Variants in GDF3 observed in about 807,000 individuals in gnomAD.
GDF3 encodes growth differentiation factor 3.
GDF3 carries 10 observed loss-of-function variants against 10.2 expected under a neutral mutation model. That is an observed-to-expected ratio of 0.98 (90% CI 0.60 to 1.66). The LOEUF (loss-of-function observed/expected upper bound fraction) is 1.66, where lower values mean the gene tolerates loss of function less well. Ranked by LOEUF, GDF3 falls within the 40% of genes most tolerant of loss-of-function variation. GDF3 has a pLI of 0.00. For missense variants in GDF3, 450 were observed against 438.3 expected (o/e 1.03, Z -0.24); for synonymous variants, 166 against 178.5 (o/e 0.93, Z 0.56).
Position 7,690,261 on chromosome 12 carries a change from G to A in GDF3, c.712C>T (p.Leu238Phe). 2 of 1,614,170 alleles carry A rather than the reference G, an allele frequency of 1.2e-6. No homozygotes were observed. The highest frequency in any genetic ancestry group is 1.7e-6 in the Non-Finnish European group (2 of 1,180,046). ...SLHASLLVVTLNPDQCHPSRK... is the reference protein window; with the variant it reads ...SLHASLLVVTFNPDQCHPSRK... ...GAAGGGTGGCACTGATCAGGGTTGA[G>A]AGTCACCACCAGCAGGGAAGCATGA... The change falls in exon 2 of 2, where the codon CTC (leucine) becomes TTC (phenylalanine). Residue 238 changes from leucine (L) to phenylalanine (F), a missense_variant. Transcript: ENST00000329913.
Position 7,693,885 on chromosome 12 carries a change from G to A in GDF3, c.268+1576C>T, listed in dbSNP as rs11055253. Among the ~76,000 whole-genome samples the A allele has an allele frequency of 2.6e-5, 4 of 152,158 alleles. No homozygotes were observed. The East Asian group carries it at 7.8e-4, about 30-fold the overall frequency. The stretch of plus-strand genomic sequence containing the variant: ...GGAAGATCGCTTGAGCCCAGGAGGT[G>A]GAGGCTGCAGTGAGCCGAGATTGTG... On this transcript the variant is annotated intron_variant, in intron 1 of 1. Transcript: ENST00000329913.
rs752043502 is a variant in GDF3, at chr12:7,695,646, A to G, written c.83T>C (p.Val28Ala). Residue 28 changes from valine to alanine, a missense_variant, in exon 1 of 2, where the codon GTC becomes GCC. Transcript: ENST00000329913. ...ATCTAAGCCCAGAAATTGGAGAAAGACATATTCTTGAAATTGGACTGCCTG... is the reference window on the plus strand; with the variant it reads ...ATCTAAGCCCAGAAATTGGAGAAAGGCATATTCTTGAAATTGGACTGCCTG... ...LGQAVQFQEY[V>A]FLQFLGLDKA... is the part of the protein sequence containing the mutation. 8.7e-6 allele frequency: 14 copies of G among 1,614,002 alleles called. No individual in the cohort carries two copies. The highest frequency in any genetic ancestry group is 5.3e-5 in the African/African-American group (4 of 74,914).
chr12:7,692,989 C>A (rs766281667), intron 1 of GDF3, among the ~76,000 whole-genome samples: 43 of 151,960 alleles, frequency 2.8e-4, no homozygotes, highest in Non-Finnish European at 5.0e-4. Context: ...CATGGATGCC[C>A]CTCTTCTGAA....
rs1227842019 is a variant in GDF3, at chr12:7,689,835, G to T, written c.*43C>A. The stretch of plus-strand genomic sequence containing the variant: ...AACCAGATAGGTAGTTTTATTAAAA[G>T]ATTTACCCTAAGAACACTCCTTCTA... On this transcript the variant is annotated 3_prime_UTR_variant, in exon 2 of 2. Transcript: ENST00000329913. The T allele has an allele frequency of 1.6e-6, 2 of 1,281,468 alleles. No homozygotes were observed. Among genetic ancestry groups the T allele is most frequent in the East Asian group, 2.3e-5 (1 of 43,420 alleles). The allele number at this position is 1,281,468 out of a possible 1,614,324, so 79.4% of individuals were successfully genotyped here.
In GDF3 at chr12:7,690,513, G is replaced by C; in HGVS notation, c.460C>G (p.His154Asp). ...ELALFLVQEPHVWGQTTPKPG... is the reference protein window; with the variant it reads ...ELALFLVQEPDVWGQTTPKPG... ...TTAGGGGTGGTCTGGCCCCACACAT[G>C]AGGCTCCTGAACCAGGAACAGAGCC... Residue 154 changes from histidine to aspartate, a missense_variant, in exon 2 of 2, where the codon CAT (histidine) becomes GAT (aspartate). Transcript: ENST00000329913. 6.2e-7 allele frequency: 1 copy of C among 1,612,936 alleles called. No individual in the cohort carries two copies. The highest frequency in any genetic ancestry group is 1.1e-5 in the South Asian group (1 of 91,060).
chr12:7,695,062 C>G (rs1239925448), intron 1 of GDF3, among the ~76,000 whole-genome samples: 1 of 152,164 alleles, frequency 6.6e-6, no homozygotes, highest in Non-Finnish European at 1.5e-5. Flanking sequence ...TTTTCATACC[C>G]TGCTTGCCAC....
intron 1 of GDF3, among the ~76,000 whole-genome samples, chr12:7,691,795 G>C (rs765006334): frequency 0.018 from 1,495 of 83,882 alleles, 15 homozygotes; most frequent in South Asian, 0.089. Context: ...ATCACGAGAT[G>C]AGGAGATCGA....
chr12:7,694,258 C>T (rs940443568), intron 1 of GDF3, among the ~76,000 whole-genome samples: 18 of 151,862 alleles, frequency 1.2e-4, no homozygotes, highest in East Asian at 3.9e-4. Flanking sequence ...CGACTCAATA[C>T]GCATTTTTAA....
chr12:7,694,630 T>C (rs1375981931), intron 1 of GDF3, among the ~76,000 whole-genome samples: 1 of 151,410 alleles, frequency 6.6e-6, no homozygotes, highest in Admixed American at 6.6e-5. Flanking sequence ...CATACACAGT[T>C]CCTGGCTCAC....
intron 1 of GDF3, 85 bp downstream of exon 1, chr12:7,695,376 A>T: frequency 8.3e-7 from 1 of 1,197,812 alleles, no homozygotes; most frequent in Non-Finnish European, 1.2e-6. Context: ...CAAGGCCATC[A>T]GTAATTGTCA....
chr12:7,693,991 G>C (rs1439926032), intron 1 of GDF3, among the ~76,000 whole-genome samples: 1 of 152,070 alleles, frequency 6.6e-6, no homozygotes, highest in East Asian at 1.9e-4. Flanking sequence ...AGAGGAAGAA[G>C]AAGAAAAGCC....
chr12:7,695,288 G>T (rs993005112), intron 1 of GDF3, among the ~76,000 whole-genome samples, 173 bp downstream of exon 1: 8 of 152,244 alleles, frequency 5.3e-5, no homozygotes, highest in African/African-American at 1.4e-4. Flanking sequence ...TTACTGTTAG[G>T]AACTTGATAA....
rs1212151941 is a variant in GDF3, at chr12:7,690,676, G to A, written c.297C>T (p.Ser99=). The change falls in exon 2 of 2, where the codon TCC becomes TCT. Residue 99 remains serine (S), a synonymous_variant. Coordinates refer to ENST00000329913, the MANE Select transcript of GDF3 (RefSeq NM_020634.3). Reference sequence around the variant, plus strand: ...GCTTCTGCAGGCAGGAGGAAGCTTGGGAAATTTTCTTTGGGTAAAGAAAGA... The same window carrying A: ...GCTTCTGCAGGCAGGAGGAAGCTTGAGAAATTTTCTTTGGGTAAAGAAAGA... ...QGFFLYPKKI[S]QASSCLQKLL... 4.3e-6 allele frequency: 7 copies of A among 1,612,470 alleles called. No homozygotes were observed. In the African/African-American group the frequency reaches 6.7e-5, roughly 15 times the overall value.
rs1864106028 is a variant in GDF3, at chr12:7,689,804, G to T, written c.*74C>A. 1 of 996,158 alleles carries T rather than the reference G, an allele frequency of 1.0e-6. No homozygotes were observed. Among genetic ancestry groups the T allele is most frequent in the East Asian group, 2.4e-5 (1 of 42,126 alleles). The allele number at this position is 996,158 out of a possible 1,614,324, so 61.7% of individuals were successfully genotyped here. A position where few individuals can be genotyped will look rare whatever the true frequency, so the allele number is the denominator to read the frequency against. On this transcript the variant is annotated 3_prime_UTR_variant, in exon 2 of 2. Transcript: ENST00000329913. Reference sequence around the variant, plus strand: ...GTATATTGACATTTCGATCTAAGTGGTCATAAACCAGATAGGTAGTTTTAT... The same window carrying T: ...GTATATTGACATTTCGATCTAAGTGTTCATAAACCAGATAGGTAGTTTTAT...
rs747276140 is a variant in GDF3 at position 7,695,518 on chromosome 12, A to G, written c.211T>C (p.Cys71Arg). 26 of 1,614,054 alleles carry G rather than the reference A, an allele frequency of 1.6e-5. No homozygotes were observed. Among genetic ancestry groups the G allele is most frequent in the Non-Finnish European group, 1.9e-5 (23 of 1,180,036 alleles). ...AATTGVSRDL[C>R]YVKELGVRGN... The stretch of plus-strand genomic sequence containing the variant: ...CGGACGCCCAGCTCCTTTACGTAGC[A>G]TAAGTCTCGGGAGACCCCAGTGGTC... Residue 71 changes from cysteine (C) to arginine (R), a missense_variant, in exon 1 of 2, where the codon TGC (cysteine) becomes CGC (arginine). By Grantham distance (180) the Cys-to-Arg change is radical. Transcript: ENST00000329913.
At chr12:7,692,578 C>T (rs1170167500) in intron 1 of GDF3, among the ~76,000 whole-genome samples, 2 of 150,246 alleles carry the variant, frequency 1.3e-5, no homozygotes, top group East Asian at 2.0e-4. Flanking sequence ...GGCTTGATCT[C>T]AGCTCACTGC....
chr12:7,690,125 A>C lies in GDF3; in HGVS notation c.848T>G (p.Ile283Ser). ...FRDLGWHKWI[I>S]APKGFMANYC... The stretch of plus-strand genomic sequence containing the variant: ...ATTTGCCATGAACCCCTTGGGGGCA[A>C]TGATCCACTTGTGCCAACCCAGGTC... Residue 283 changes from isoleucine to serine, a missense_variant, in exon 2 of 2, where the codon ATT becomes AGT. By Grantham distance (142) the Ile-to-Ser change is moderately radical. Transcript: ENST00000329913. The C allele has an allele frequency of 1.2e-6, 2 of 1,614,144 alleles. No individual in the cohort carries two copies. The highest frequency in any genetic ancestry group is 1.7e-6 in the Non-Finnish European group (2 of 1,180,034).
Position 7,690,492 on chromosome 12 carries a change from G to A in GDF3, c.481C>T (p.Pro161Ser), listed in dbSNP as rs148203165. Residue 161 changes from proline to serine, a missense_variant, in exon 2 of 2, where the codon CCT (proline) becomes TCT (serine). Coordinates refer to ENST00000329913, the MANE Select transcript of GDF3 (RefSeq NM_020634.3). ...AACACAAACATTTTACCTGGCTTAG[G>A]GGTGGTCTGGCCCCACACATGAGGC... is the stretch of plus-strand genomic sequence containing the variant. ...QEPHVWGQTT[P>S]KPGKMFVLRS... 9.3e-6 allele frequency: 15 copies of A among 1,613,780 alleles called. No homozygotes were observed. In the African/African-American group the frequency reaches 1.6e-4, roughly 17 times the overall value.
chr12:7,692,668 G>C (rs1008881120), intron 1 of GDF3, among the ~76,000 whole-genome samples: 11 of 151,802 alleles, frequency 7.2e-5, no homozygotes, highest in African/African-American at 2.7e-4. Flanking sequence ...CACCACGTCT[G>C]GCTAATTGTA....
Sources: allele counts gnomAD v4.1 joint callset (sites outside exome capture counted in the v4.1 genomes callset), GRCh38; gene constraint gnomAD v4.1.1; transcripts MANE v1.5; gene names NCBI Gene and HGNC (gene_info 2026-07-23, HGNC 2026-07-21).